Variants in PGLS observed in about 807,000 individuals in gnomAD.
The protein encoded by PGLS is epididymis secretory protein Li 304.
A neutral mutation model predicts 23.2 loss-of-function variants in PGLS; 21 were observed. That is an observed-to-expected ratio of 0.91 (90% CI 0.64 to 1.31). The LOEUF is 1.31. Among genes scored for constraint, PGLS ranks in the 50% most tolerant of loss-of-function variants. The pLI is 0.00. For missense variants in PGLS, 410 were observed against 354.0 expected, an observed-to-expected ratio of 1.16 and a Z score of -1.27; for synonymous variants, 179 against 165.4, an observed-to-expected ratio of 1.08 and a Z score of -0.63.
chr19:17,517,765 G>C lies in PGLS; in HGVS notation c.554G>C (p.Arg185Pro). Residue 185 changes from arginine to proline, a missense_variant, in exon 4 of 5, where the codon CGT becomes CCT. Coordinates refer to ENST00000252603, the MANE Select transcript of PGLS (RefSeq NM_012088.3). ...ISDSPKPPPQ[R>P]VTLTLPVLNA... is the part of the protein sequence containing the mutation. ...GACTCCCCGAAGCCACCGCCACAGCGTGTGACCCTCACACTACCTGTCCTG... is the reference window on the plus strand; with the variant it reads ...GACTCCCCGAAGCCACCGCCACAGCCTGTGACCCTCACACTACCTGTCCTG... 1 of 1,614,104 alleles carries C rather than the reference G, an allele frequency of 6.2e-7. No individual in the cohort carries two copies. The highest frequency in any genetic ancestry group is 8.5e-7 in the Non-Finnish European group (1 of 1,180,000).
intron 4 of PGLS, 47 bp from the exon 5 acceptor site, chr19:17,520,897 G>T (rs1460033361): frequency 6.6e-7 from 1 of 1,511,280 alleles, no homozygotes; most frequent in Admixed American, 2.2e-5. Context: ...CCGAGGGGCG[G>T]TGCCTGGGCC....
intron 4 of PGLS, among the ~76,000 whole-genome samples, chr19:17,519,271 G>T (rs1229361311): frequency 1.4e-5 from 2 of 148,034 alleles, no homozygotes; most frequent in Admixed American, 6.8e-5. Context: ...CCGAGATCAT[G>T]CCATTGCACT....
rs900427407 is a variant in PGLS at position 17,519,147 on chromosome 19, C to G, written c.639+1297C>G. Among the ~76,000 whole-genome samples the G allele has an allele frequency of 5.1e-4, 77 of 151,534 alleles. 2 individuals are homozygous for G. The highest frequency in any genetic ancestry group is 1.3e-4 in the Non-Finnish European group (9 of 67,942). Reference sequence around the variant, plus strand: ...TGGCCAACATGGCGAAACCCTGTCTCTACTAAAAATACAAAAATTAGCCAG... The same window carrying G: ...TGGCCAACATGGCGAAACCCTGTCTGTACTAAAAATACAAAAATTAGCCAG... On this transcript the variant is annotated intron_variant, in intron 4 of 4. Coordinates refer to ENST00000252603, the MANE Select transcript of PGLS (RefSeq NM_012088.3).
At chr19:17,513,398 G>A (rs547684609) in intron 1 of PGLS, among the ~76,000 whole-genome samples, 34 of 151,528 alleles carry the variant, frequency 2.2e-4, no homozygotes, top group South Asian at 8.3e-4. Context: ...GTGGTGGTGC[G>A]CACCTGTAAT....
At chr19:17,518,010 A>G (rs1307848799) in intron 4 of PGLS, among the ~76,000 whole-genome samples, 160 bp downstream of exon 4, 2 of 23,106 alleles carry the variant, frequency 8.7e-5, no homozygotes, top group Non-Finnish European at 7.3e-5. Flanking sequence ...GAAAAAAAGG[A>G]AAAAAAAAAA....
At chr19:17,519,088 C>T (rs567514879) in intron 4 of PGLS, among the ~76,000 whole-genome samples, 17 of 151,630 alleles carry the variant, frequency 1.1e-4, no homozygotes, top group African/African-American at 3.1e-4. Context: ...CTGAGGCAGG[C>T]GGATCACCTG....
At chr19:17,515,791 C>T (rs571133403) in intron 1 of PGLS, 8 of 202,864 alleles carry the variant, frequency 3.9e-5, no homozygotes, top group African/African-American at 1.1e-4. Context: ...GGCCAGGAAA[C>T]CCCCCAAATA....
rs1349865055 is a variant in PGLS, at chr19:17,517,705, C to A, written c.499-5C>A. The A allele has an allele frequency of 1.9e-6, 3 of 1,614,004 alleles. No individual in the cohort carries two copies. Among genetic ancestry groups the A allele is most frequent in the Admixed American group, 1.7e-5 (1 of 60,004 alleles). ...CTGCCTCCATCCCTGGGCTTCCTCC[C>A]CAAGGAGCGGGAGAAGATTGTGGCT... On this transcript the variant is annotated splice_region_variant and splice_polypyrimidine_tract_variant and intron_variant, in intron 3 of 4. Coordinates refer to ENST00000252603, the MANE Select transcript of PGLS (RefSeq NM_012088.3).
chr19:17,514,394 A>T (rs2075523358), intron 1 of PGLS, among the ~76,000 whole-genome samples: 1 of 151,970 alleles, frequency 6.6e-6, no homozygotes. Context: ...AACTAATTAC[A>T]TCTGCAAAGA....
chr19:17,517,616 G>A lies in PGLS; in HGVS notation c.499-94G>A, dbSNP rs1054464230. The A allele has an allele frequency of 1.4e-5, 19 of 1,394,980 alleles. No homozygotes were observed. The East Asian group carries it at 4.1e-4, about 30-fold the overall frequency. The allele number at this position is 1,394,980 out of a possible 1,614,324, so 86.4% of individuals were successfully genotyped here. A position where few individuals can be genotyped will look rare whatever the true frequency, so the allele number is the denominator to read the frequency against. ...ATGGGATTGTTAGTAGGATGGGATG[G>A]AACAGTGGCTGGACCAGGCCTGGTG... On this transcript the variant is annotated intron_variant, in intron 3 of 4. Transcript: ENST00000252603.
rs1376236481 is a variant in PGLS, at chr19:17,516,292, G to A, written c.396+12G>A. On this transcript the variant is annotated intron_variant, in intron 2 of 4. Transcript: ENST00000252603. ...AGAAGCTGAGACAGGTGAGCCCCGA[G>A]GAGCGGCCGCAAGGGAGTCACATCC... 1 of 1,611,496 alleles carries A rather than the reference G, an allele frequency of 6.2e-7. No individual in the cohort carries two copies. The highest frequency in any genetic ancestry group is 8.5e-7 in the Non-Finnish European group (1 of 1,178,838).
At position 17,511,762 on chromosome 19, in the gene PGLS, A is replaced by G; in HGVS notation, c.90A>G (p.Ala30=). The change falls in exon 1 of 5, where the codon GCA becomes GCG. Residue 30 remains alanine, a synonymous_variant. Coordinates refer to ENST00000252603, the MANE Select transcript of PGLS (RefSeq NM_012088.3). ...TAGCGCAGCTGGTGGCCCAGCGCGC[A>G]GCATGCTGCCTGGCAGGGGCCCGCG... The part of the protein sequence containing the change: ...AALAQLVAQR[A]ACCLAGARAR... The G allele has an allele frequency of 6.7e-7, 1 of 1,499,092 alleles. No homozygotes were observed. Among genetic ancestry groups the G allele is most frequent in the South Asian group, 1.2e-5 (1 of 80,476 alleles). 92.9% of individuals were successfully genotyped at this position (1,499,092 alleles called of 1,614,324 possible).
intron 1 of PGLS, chr19:17,512,199 G>A: frequency 1.9e-6 from 1 of 518,596 alleles, no homozygotes; most frequent in East Asian, 3.6e-5. Context: ...CCTCGGCTAC[G>A]GGGGCCACTG....
At chr19:17,514,205 C>G (rs1352597940) in intron 1 of PGLS, among the ~76,000 whole-genome samples, 4 of 152,092 alleles carry the variant, frequency 2.6e-5, no homozygotes. Flanking sequence ...TTGGGAGGAT[C>G]CTTCATTTTC....
intron 1 of PGLS, among the ~76,000 whole-genome samples, chr19:17,514,972 A>G (rs1171084186): frequency 6.6e-6 from 1 of 151,104 alleles, no homozygotes; most frequent in Non-Finnish European, 1.5e-5. Flanking sequence ...TATTTTTGGT[A>G]AATACGAAGT....
intron 2 of PGLS, chr19:17,516,570 G>C: frequency 9.8e-7 from 1 of 1,021,490 alleles, no homozygotes; most frequent in Non-Finnish European, 1.2e-6. Flanking sequence ...CTGCGTTACA[G>C]CTACTTGTAT....
intron 2 of PGLS, among the ~76,000 whole-genome samples, chr19:17,516,963 C>T (rs1269873640): frequency 5.9e-5 from 9 of 151,756 alleles, no homozygotes; most frequent in Admixed American, 5.9e-4. Flanking sequence ...CAGCTCACTG[C>T]AACCTCTGCC....
At chr19:17,517,612 G>T (rs1245071463) in intron 3 of PGLS, 98 bp from the exon 4 acceptor site, 14 of 1,356,356 alleles carry the variant, frequency 1.0e-5, no homozygotes, top group Non-Finnish European at 1.2e-5. Context: ...AGTAGGATGG[G>T]ATGGAACAGT....
At position 17,511,693 on chromosome 19, in the gene PGLS, C is replaced by T. The variant is rs1300500857; in HGVS notation, c.21C>T (p.Gly7=). The change falls in exon 1 of 5, where the codon GGC becomes GGT. Residue 7 remains glycine (G), a synonymous_variant. Coordinates refer to ENST00000252603, the MANE Select transcript of PGLS (RefSeq NM_012088.3). MAAPAP[G]LISVFSSSQE... is the part of the protein sequence containing the mutation. The stretch of plus-strand genomic sequence containing the variant: ...TCGCCATGGCCGCGCCGGCCCCGGG[C>T]CTCATCTCGGTGTTCTCGAGTTCCC... 4 of 1,506,180 alleles carry T rather than the reference C, an allele frequency of 2.7e-6. No homozygotes were observed. The highest frequency in any genetic ancestry group is 2.0e-4 in the Middle Eastern group (1 of 5,088). 93.3% of individuals were successfully genotyped at this position (1,506,180 alleles called of 1,614,324 possible).
Sources: allele counts gnomAD v4.1 joint callset (sites outside exome capture counted in the v4.1 genomes callset), GRCh38; gene constraint gnomAD v4.1.1; transcripts MANE v1.5; gene names NCBI Gene and HGNC (gene_info 2026-07-23, HGNC 2026-07-21).